USP10: variants seen among roughly 807,000 people sequenced by gnomAD.
USP10 encodes ubiquitin carboxyl-terminal hydrolase 10.
In USP10, 22 loss-of-function variants were observed where a neutral mutation model predicts 84.5. The ratio of observed to expected loss-of-function variants is 0.26; its 90% confidence interval spans 0.19 to 0.37. The LOEUF is 0.37. Ranked by LOEUF, USP10 falls within the 10% of genes least tolerant of loss-of-function variation. The probability of loss-of-function intolerance (pLI) is 1.00; values close to 1 mark genes in which losing one functional copy is unlikely to be tolerated. For synonymous variants in USP10, 454 were observed against 387.6 expected (o/e 1.17, Z -2.01); for missense variants, 1,019 against 998.9 (o/e 1.02, Z -0.27).
intron 11 of USP10, among the ~76,000 whole-genome samples, chr16:84,770,908 A>G (rs1195320245): frequency 6.6e-6 from 1 of 152,156 alleles, no homozygotes; most frequent in Admixed American, 6.5e-5. Context: ...TCTACTAAAA[A>G]TACAAAAATT....
At chr16:84,760,684 G>A (rs1359679267) in intron 8 of USP10, among the ~76,000 whole-genome samples, 1 of 152,090 alleles carries the variant, frequency 6.6e-6, no homozygotes, top group African/African-American at 2.4e-5. Context: ...ATACTTACAG[G>A]CTTTAGTAGC....
At chr16:84,746,453 C>G (rs1046772362) in intron 4 of USP10, among the ~76,000 whole-genome samples, 2 of 152,202 alleles carry the variant, frequency 1.3e-5, no homozygotes, top group Non-Finnish European at 2.9e-5. Context: ...GTGGTGCAGC[C>G]TATTACTCCC....
Position 84,760,247 on chromosome 16 carries a change from C to A in USP10, c.1526C>A (p.Thr509Lys), listed in dbSNP as rs1462007130. 6.2e-7 allele frequency: 1 copy of A among 1,609,670 alleles called. No individual in the cohort carries two copies. The highest frequency in any genetic ancestry group is 8.5e-7 in the Non-Finnish European group (1 of 1,177,878). The change falls in exon 8 of 14, where the codon ACA becomes AAA. Residue 509 changes from threonine to lysine, a missense_variant. By Grantham distance (78) the Thr-to-Lys change is moderately conservative. Transcript: ENST00000219473. Reference sequence around the variant, plus strand: ...CCCACATATATTTACAGACTCCTGACAGTTAACAAGTCAAGCCTGTCTGAA... The same window carrying A: ...CCCACATATATTTACAGACTCCTGAAAGTTAACAAGTCAAGCCTGTCTGAA... ...FEPTYIYRLL[T>K]VNKSSLSEKG...
At chr16:84,727,043 G>T (rs919379128) in intron 1 of USP10, among the ~76,000 whole-genome samples, 2 of 152,248 alleles carry the variant, frequency 1.3e-5, no homozygotes, top group African/African-American at 4.8e-5. Flanking sequence ...CACAGTTTCT[G>T]TGGTGTGGCA....
chr16:84,770,763 C>G (rs551793014), intron 11 of USP10, among the ~76,000 whole-genome samples: 4,202 of 102,174 alleles, frequency 0.041, 91 homozygotes, highest in Middle Eastern at 0.11. Context: ...CAGAGCGAGA[C>G]TCCGTCCCCA....
chr16:84,757,149 G>T (rs180711357), intron 4 of USP10, among the ~76,000 whole-genome samples: 192 of 152,266 alleles, frequency 1.3e-3, no homozygotes, highest in Middle Eastern at 3.4e-3. Context: ...TATCTCTGCT[G>T]GGTGTCATCA....
chr16:84,755,660 T>C (rs924559776), intron 4 of USP10, among the ~76,000 whole-genome samples: 1 of 151,958 alleles, frequency 6.6e-6, no homozygotes, highest in Non-Finnish European at 1.5e-5. Context: ...TGATTGGGTA[T>C]GGTGGCACAC....
At chr16:84,760,794 C>T (rs1913120115) in intron 8 of USP10, among the ~76,000 whole-genome samples, 1 of 151,970 alleles carries the variant, frequency 6.6e-6, no homozygotes, top group African/African-American at 2.4e-5. Flanking sequence ...TATAAAAGGC[C>T]CTGGGGCTGT....
chr16:84,770,993 G>A (rs1914390356), intron 11 of USP10, among the ~76,000 whole-genome samples: 1 of 151,364 alleles, frequency 6.6e-6, no homozygotes, highest in South Asian at 2.1e-4. Flanking sequence ...GGAGGTGGAG[G>A]TTGCAGTGAG....
intron 1 of USP10, among the ~76,000 whole-genome samples, chr16:84,729,533 G>A (rs1201668384): frequency 6.6e-6 from 1 of 152,196 alleles, no homozygotes; most frequent in Non-Finnish European, 1.5e-5. Flanking sequence ...ATGAGCATAT[G>A]GGGAATACTC....
At position 84,779,206 on chromosome 16, in the gene USP10, A is replaced by G; in HGVS notation, c.*124A>G. The G allele has an allele frequency of 1.7e-6, 2 of 1,188,876 alleles. No homozygotes were observed. The highest frequency in any genetic ancestry group is 2.3e-6 in the Non-Finnish European group (2 of 861,718). The allele number at this position is 1,188,876 out of a possible 1,614,324, so 73.6% of individuals were successfully genotyped here. A position where few individuals can be genotyped will look rare whatever the true frequency, so the allele number is the denominator to read the frequency against. ...CTTTCTCCCTTTGCAAAAATGGGCT[A>G]GAATGAAAAGGAGATGCCTTGGGGT... On this transcript the variant is annotated 3_prime_UTR_variant, in exon 14 of 14. Coordinates refer to ENST00000219473, the MANE Select transcript of USP10 (RefSeq NM_005153.3).
chr16:84,712,535 C>G (rs1452691968), intron 1 of USP10, among the ~76,000 whole-genome samples: 2 of 152,180 alleles, frequency 1.3e-5, no homozygotes, highest in Admixed American at 1.3e-4. Context: ...TCACTGTTTT[C>G]AGGACTGCTT....
intron 1 of USP10, among the ~76,000 whole-genome samples, chr16:84,702,117 C>T (rs1280327172): frequency 7.9e-6 from 1 of 126,528 alleles, no homozygotes; most frequent in East Asian, 2.4e-4. Context: ...AGTGCAGTGG[C>T]ATGATCTCGG....
chr16:84,705,004 G>A, intron 1 of USP10: 4 of 1,234,626 alleles, frequency 3.2e-6, no homozygotes, highest in South Asian at 2.8e-5. Context: ...CGCTGTAATG[G>A]TGGCTGCTCC....
intron 1 of USP10, among the ~76,000 whole-genome samples, chr16:84,727,772 T>G (rs994031983): frequency 6.6e-6 from 1 of 152,244 alleles, no homozygotes; most frequent in Non-Finnish European, 1.5e-5. Flanking sequence ...TGTAGCCACT[T>G]AATCCTAAAT....
chr16:84,743,971 G>C (rs963664128), intron 3 of USP10, among the ~76,000 whole-genome samples: 1 of 152,188 alleles, frequency 6.6e-6, no homozygotes, highest in Non-Finnish European at 1.5e-5. Context: ...CTTAATTGAA[G>C]GTTACCAGCG....
At chr16:84,743,809 G>A (rs564041782) in intron 3 of USP10, among the ~76,000 whole-genome samples, 5 of 152,350 alleles carry the variant, frequency 3.3e-5, no homozygotes, top group East Asian at 3.9e-4. Context: ...TGGGAAGGAA[G>A]TATTGAAGGC....
At position 84,744,891 on chromosome 16, in the gene USP10, A is replaced by C. The variant is rs868823572; in HGVS notation, c.410A>C (p.Asn137Thr). ...AATGTGGAGGCGGAAGTTTTGGAAAATGATGGTGTCTCAGGTGGTCTTGGA... is the reference window on the plus strand; with the variant it reads ...AATGTGGAGGCGGAAGTTTTGGAAACTGATGGTGTCTCAGGTGGTCTTGGA... ...SSNVEAEVLE[N>T]DGVSGGLGQR... Residue 137 changes from asparagine (N) to threonine (T), a missense_variant, in exon 4 of 14, where the codon AAT becomes ACT. Asn to Thr is a moderately conservative substitution (Grantham distance 65). Transcript: ENST00000219473. 4.3e-6 allele frequency: 7 copies of C among 1,612,602 alleles called. No homozygotes were observed. The South Asian group carries it at 6.6e-5, about 15-fold the overall frequency.
intron 1 of USP10, 108 bp from the exon 2 acceptor site, chr16:84,733,327 G>T (rs528461190): frequency 2.4e-6 from 2 of 821,644 alleles, no homozygotes; most frequent in East Asian, 2.5e-5. Flanking sequence ...GGATCTTGGG[G>T]GTTATGGCCC....
Sources: allele counts gnomAD v4.1 joint callset (sites outside exome capture counted in the v4.1 genomes callset), GRCh38; gene constraint gnomAD v4.1.1; transcripts MANE v1.5; gene names NCBI Gene and HGNC (gene_info 2026-07-23, HGNC 2026-07-21).